UNC80: variants seen among roughly 807,000 people sequenced by gnomAD.
UNC80 encodes protein unc-80 homolog.
A neutral mutation model predicts 384.6 loss-of-function variants in UNC80; 164 were observed. The ratio of observed to expected loss-of-function variants is 0.43; its 90% confidence interval spans 0.38 to 0.49. The LOEUF is 0.49. Among genes scored for constraint, UNC80 ranks in the 20% least tolerant of loss-of-function variants. The probability of loss-of-function intolerance (pLI) is 0.00; values close to 1 mark genes in which losing one functional copy is unlikely to be tolerated. For synonymous variants in UNC80, 1,486 were observed against 1,527.8 expected (o/e 0.97, Z 0.64); for missense variants, 3,330 against 4,143.0 (o/e 0.80, Z 5.39).
chr2:209,871,203 C>T (rs994470656), intron 22 of UNC80, among the ~76,000 whole-genome samples: 1 of 152,174 alleles, frequency 6.6e-6, no homozygotes, highest in Non-Finnish European at 1.5e-5. Context: ...TTTCTACTTG[C>T]ACTCTACAAA....
intron 3 of UNC80, 46 bp from the exon 4 acceptor site, chr2:209,777,212 G>A: frequency 6.5e-7 from 1 of 1,528,772 alleles, no homozygotes; most frequent in South Asian, 1.3e-5. Context: ...CTATTGCCCT[G>A]GTCACAGAGT....
At chr2:209,945,989 C>T (rs1461976063) in intron 47 of UNC80, 46 bp downstream of exon 47, 3 of 1,283,680 alleles carry the variant, frequency 2.3e-6, no homozygotes, top group Non-Finnish European at 3.3e-6. Context: ...GTAAATATGG[C>T]AGAGAAAATA....
intron 15 of UNC80, among the ~76,000 whole-genome samples, chr2:209,830,883 C>A (rs1408148988): frequency 2.0e-5 from 3 of 152,194 alleles, no homozygotes; most frequent in African/African-American, 7.2e-5. Flanking sequence ...GAGAACTCTG[C>A]AGTTCTTGGC....
chr2:209,833,172 T>A (rs573708843), intron 16 of UNC80, among the ~76,000 whole-genome samples: 1 of 151,648 alleles, frequency 6.6e-6, no homozygotes, highest in East Asian at 2.0e-4. Context: ...CTAAAAATTA[T>A]GGACATAATT....
intron 30 of UNC80, 22 bp downstream of exon 30, chr2:209,912,689 G>C: frequency 6.6e-7 from 1 of 1,508,744 alleles, no homozygotes; most frequent in Non-Finnish European, 9.0e-7. Flanking sequence ...TGGATCAGAA[G>C]GATTCATGGA....
intron 7 of UNC80, among the ~76,000 whole-genome samples, chr2:209,805,375 A>G (rs185956340): frequency 2.2e-4 from 34 of 152,344 alleles, no homozygotes; most frequent in African/African-American, 4.8e-4. Context: ...GTCAATTTCT[A>G]TGTAACAAAT....
chr2:209,887,646 T>C (rs1481635366), intron 25 of UNC80, among the ~76,000 whole-genome samples: 1 of 152,218 alleles, frequency 6.6e-6, no homozygotes, highest in Non-Finnish European at 1.5e-5. Context: ...TTAAAATTTA[T>C]CACTTGTTTG....
At chr2:209,800,720 T>A (rs1357792256) in intron 7 of UNC80, among the ~76,000 whole-genome samples, 1 of 152,214 alleles carries the variant, frequency 6.6e-6, no homozygotes, top group Non-Finnish European at 1.5e-5. Flanking sequence ...CTCTAAACAC[T>A]GCTTTAGCTG....
chr2:209,868,971 G>A (rs1172271787), intron 22 of UNC80: 2 of 152,150 alleles, frequency 1.3e-5, no homozygotes, highest in African/African-American at 2.4e-5. Flanking sequence ...ATGTTAATAA[G>A]AAAGAAGAAA....
At chr2:209,797,416 A>G (rs2078233494) in intron 7 of UNC80, among the ~76,000 whole-genome samples, 1 of 152,114 alleles carries the variant, frequency 6.6e-6, no homozygotes, top group African/African-American at 2.4e-5. Flanking sequence ...GAGTGAGAAC[A>G]TGTGGTGTTT....
Position 209,777,239 on chromosome 2 carries a change from G to A in UNC80, c.299-19G>A. 1 of 1,555,706 alleles carries A rather than the reference G, an allele frequency of 6.4e-7. No individual in the cohort carries two copies. Among genetic ancestry groups the A allele is most frequent in the East Asian group, 2.2e-5 (1 of 44,446 alleles). The stretch of plus-strand genomic sequence containing the variant: ...TCACAGAGTTTTTCTTAACCTGCCT[G>A]TGTAATTGTCCCATGCAGGCCACCA... On this transcript the variant is annotated intron_variant, in intron 3 of 64. Coordinates refer to ENST00000673920, the MANE Select transcript of UNC80 (RefSeq NM_001371986.1).
chr2:209,926,732 T>C (rs938982289), intron 35 of UNC80, 111 bp from the exon 36 acceptor site: 2 of 1,346,012 alleles, frequency 1.5e-6, no homozygotes, highest in Non-Finnish European at 2.0e-6. Flanking sequence ...GCAGTGATCA[T>C]GCCACTGTAC....
In UNC80 at chr2:209,959,501, T is replaced by C; in HGVS notation, c.7599T>C (p.His2533=). The change falls in exon 51 of 65, where the codon CAT becomes CAC. Residue 2533 remains histidine, a synonymous_variant. Transcript: ENST00000673920. The part of the protein sequence containing the change: ...AKLHFIRENL[H]LLEEGQGIPR... ...CACAATTTCCCAGGGAAAACCTTCA[T>C]TTACTGGAGGAAGGGCAAGGCATTC... The C allele has an allele frequency of 6.4e-7, 1 of 1,551,646 alleles. No homozygotes were observed. Among genetic ancestry groups the C allele is most frequent in the Non-Finnish European group, 8.7e-7 (1 of 1,146,976 alleles).
chr2:209,890,802 T>C (rs917069102), intron 26 of UNC80, among the ~76,000 whole-genome samples: 2 of 152,204 alleles, frequency 1.3e-5, no homozygotes, highest in African/African-American at 4.8e-5. Context: ...AAATAGCTAT[T>C]GTTGTTGGGT....
Position 209,982,336 on chromosome 2 carries a change from A to G in UNC80, c.9257+19A>G. ...GCCAGAGGTAAACAGCTATGGTTATACTGTACTCTGCATTTGGGGGCAAAG... is the reference window on the plus strand; with the variant it reads ...GCCAGAGGTAAACAGCTATGGTTATGCTGTACTCTGCATTTGGGGGCAAAG... On this transcript the variant is annotated intron_variant, in intron 60 of 64. Coordinates refer to ENST00000673920, the MANE Select transcript of UNC80 (RefSeq NM_001371986.1). 2 of 1,532,722 alleles carry G rather than the reference A, an allele frequency of 1.3e-6. No individual in the cohort carries two copies. Among genetic ancestry groups the G allele is most frequent in the Non-Finnish European group, 1.8e-6 (2 of 1,136,982 alleles). 94.9% of individuals were successfully genotyped at this position (1,532,722 alleles called of 1,614,324 possible). A position where few individuals can be genotyped will look rare whatever the true frequency, so the allele number is the denominator to read the frequency against.
In UNC80 at chr2:209,996,257, A is replaced by G. The variant is rs2093482354; in HGVS notation, c.*662A>G. The G allele has an allele frequency of 6.6e-6, 1 of 152,254 alleles. No homozygotes were observed. Among genetic ancestry groups the G allele is most frequent in the Non-Finnish European group, 1.5e-5 (1 of 68,058 alleles). 9.4% of individuals were successfully genotyped at this position (152,254 alleles called of 1,614,324 possible). A position where few individuals can be genotyped will look rare whatever the true frequency, so the allele number is the denominator to read the frequency against. ...ATCAAAATGCAGATGGCATAAGATC[A>G]TCCCATTTCATAATCTATCACATTA... On this transcript the variant is annotated 3_prime_UTR_variant, in exon 65 of 65. Transcript: ENST00000673920.
At chr2:209,800,758 C>T (rs1018861349) in intron 7 of UNC80, among the ~76,000 whole-genome samples, 1 of 152,148 alleles carries the variant, frequency 6.6e-6, no homozygotes, top group African/African-American at 2.4e-5. Context: ...TACGTTGTCT[C>T]TTTGTTCTCA....
rs1456863121 is a variant in UNC80 at position 209,884,112 on chromosome 2, T to G, written c.4110+3018T>G. ...GGGAAGGGCAGCATTTTTATAAGAT[T>G]TATAGTCTAAAACAGCATAAGCAAA... On this transcript the variant is annotated intron_variant, in intron 25 of 64. Transcript: ENST00000673920. Among the ~76,000 whole-genome samples, 4 of 152,312 alleles carry G rather than the reference T, an allele frequency of 2.6e-5. No homozygotes were observed. In the East Asian group the frequency reaches 7.7e-4, roughly 29 times the overall value.
chr2:209,903,566 A>ATATATAGTAATATATATAC (rs1559299305), intron 28 of UNC80, among the ~76,000 whole-genome samples: 3 of 2,402 alleles, frequency 1.2e-3, no homozygotes, highest in African/African-American at 2.9e-3. Context: ...TATATATACT[A>ATATATAGTAATATATATAC]TATATATAGT....
Sources: gnomAD v4.1 joint callset for allele counts (sites outside exome capture counted in the v4.1 genomes callset) on GRCh38, gnomAD v4.1.1 for gene constraint, MANE v1.5 for transcripts, NCBI Gene and HGNC (gene_info 2026-07-23, HGNC 2026-07-21) for gene names.